RAB3GAP2: variants seen among roughly 807,000 people sequenced by gnomAD.
RAB3GAP2 encodes the protein rab3 GTPase-activating protein non-catalytic subunit.
Under a neutral mutation model 185.3 loss-of-function variants are expected in RAB3GAP2, and 87 were observed. The ratio of observed to expected loss-of-function variants is 0.47; its 90% confidence interval spans 0.39 to 0.56. The LOEUF is 0.56. Among genes scored for constraint, RAB3GAP2 ranks in the 20% least tolerant of loss-of-function variants. The probability of loss-of-function intolerance (pLI) is 0.00; values close to 1 mark genes in which losing one functional copy is unlikely to be tolerated. For missense variants in RAB3GAP2, 1,492 were observed against 1,638.2 expected, an observed-to-expected ratio of 0.91 and a Z score of 1.54; for synonymous variants, 554 against 576.1, an observed-to-expected ratio of 0.96 and a Z score of 0.55.
Position 220,191,297 on chromosome 1 carries a change from G to A in RAB3GAP2, c.1271-13C>T. On this transcript the variant is annotated splice_polypyrimidine_tract_variant and intron_variant, in intron 13 of 34. Transcript: ENST00000358951. ...GCGTCGCGGTACCCTTAGAGACAGA[G>A]GTAAAGGGAAGTTAATTACTTAATC... 1 of 1,415,232 alleles carries A rather than the reference G, an allele frequency of 7.1e-7. No individual in the cohort carries two copies. The highest frequency in any genetic ancestry group is 1.1e-5 in the South Asian group (1 of 87,908). 87.7% of individuals were successfully genotyped at this position (1,415,232 alleles called of 1,614,324 possible). A position where few individuals can be genotyped will look rare whatever the true frequency, so the allele number is the denominator to read the frequency against.
chr1:220,182,179 T>TAAA, intron 21 of RAB3GAP2, 78 bp downstream of exon 21: 1 of 1,176,016 alleles, frequency 8.5e-7, no homozygotes, highest in African/African-American at 1.6e-5. Context: ...AGACAATAGT[T>TAAA]AAAAAAAAAA....
chr1:220,237,603 G>A (rs1659616849), intron 1 of RAB3GAP2, among the ~76,000 whole-genome samples: 1 of 152,156 alleles, frequency 6.6e-6, no homozygotes, highest in South Asian at 2.1e-4. Flanking sequence ...TTCTGTTTCA[G>A]GAGGTCTGCA....
intron 28 of RAB3GAP2, among the ~76,000 whole-genome samples, chr1:220,161,895 G>C (rs539911580): frequency 2.0e-5 from 3 of 152,268 alleles, no homozygotes; most frequent in Non-Finnish European, 2.9e-5. Context: ...TCAAAGATTG[G>C]TAAGTGTAAA....
At chr1:220,214,493 T>A (rs1333600867) in intron 2 of RAB3GAP2, among the ~76,000 whole-genome samples, 1 of 148,244 alleles carries the variant, frequency 6.7e-6, no homozygotes, top group Non-Finnish European at 1.5e-5. Flanking sequence ...ACCACTACAA[T>A]CCAGCTTGGG....
At chr1:220,204,723 CTA>C (rs1356254349) in intron 8 of RAB3GAP2, among the ~76,000 whole-genome samples, 4 of 148,410 alleles carry the variant, frequency 2.7e-5, no homozygotes, top group Admixed American at 6.7e-5. Flanking sequence ...TCTCCTAATG[CTA>C]TCCCTCCCCC....
chr1:220,185,536 T>G, intron 18 of RAB3GAP2, 115 bp downstream of exon 18: 4 of 721,562 alleles, frequency 5.5e-6, no homozygotes, highest in Non-Finnish European at 7.2e-6. Flanking sequence ...CTTATATCTA[T>G]ATTACTTCCA....
At chr1:220,243,592 C>A (rs1473036228) in intron 1 of RAB3GAP2, among the ~76,000 whole-genome samples, 2 of 152,244 alleles carry the variant, frequency 1.3e-5, no homozygotes, top group East Asian at 3.9e-4. Flanking sequence ...TCTACTTTTT[C>A]AGTCAACTGT....
At chr1:220,213,119 A>C (rs1423546855) in intron 3 of RAB3GAP2, 151 bp from the exon 4 acceptor site, 2 of 586,292 alleles carry the variant, frequency 3.4e-6, no homozygotes, top group African/African-American at 1.9e-5. Flanking sequence ...GGTAAATATA[A>C]GATAAACATG....
At chr1:220,154,618 C>A (rs1312336193) in intron 31 of RAB3GAP2, among the ~76,000 whole-genome samples, 1 of 151,910 alleles carries the variant, frequency 6.6e-6, no homozygotes, top group Non-Finnish European at 1.5e-5. Context: ...GATTACTGAC[C>A]CACAACAACT....
chr1:220,221,070 C>T (rs960115188), intron 2 of RAB3GAP2, among the ~76,000 whole-genome samples: 2 of 152,162 alleles, frequency 1.3e-5, no homozygotes, highest in Admixed American at 1.3e-4. Context: ...TATACCACAA[C>T]CGCTTCTCAC....
intron 24 of RAB3GAP2, 52 bp downstream of exon 24, chr1:220,170,840 C>A (rs1014705032): frequency 2.1e-6 from 3 of 1,439,044 alleles, no homozygotes; most frequent in South Asian, 2.3e-5. Context: ...TTAAAAGAAA[C>A]CCTCGTAACA....
chr1:220,182,065 G>A (rs1191858600), intron 21 of RAB3GAP2, among the ~76,000 whole-genome samples, 192 bp downstream of exon 21: 1 of 142,006 alleles, frequency 7.0e-6, no homozygotes, highest in Non-Finnish European at 1.5e-5. Context: ...AAAAATTACA[G>A]GGTATAAGAA....
chr1:220,245,304 G>T (rs1448788771), intron 1 of RAB3GAP2, among the ~76,000 whole-genome samples: 4 of 152,312 alleles, frequency 2.6e-5, no homozygotes, highest in South Asian at 2.1e-4. Context: ...CAGGCCAGTG[G>T]GTGCGCGCAC....
At position 220,149,862 on chromosome 1, in the gene RAB3GAP2, C is replaced by CTT. The variant is rs1352189074; in HGVS notation, c.*1387_*1388dup. The CTT allele has an allele frequency of 6.6e-6, 1 of 152,074 alleles. No homozygotes were observed. The highest frequency in any genetic ancestry group is 1.5e-5 in the Non-Finnish European group (1 of 67,984). 9.4% of individuals were successfully genotyped at this position (152,074 alleles called of 1,614,324 possible). On this transcript the variant is annotated 3_prime_UTR_variant, in exon 35 of 35. Transcript: ENST00000358951. ...TAGCTCAAAAAACAGATTTGTTTTT[C>CTT]TTTTTATATCCCTGAAGGACATACT...
chr1:220,168,615 G>T (rs773969353), intron 24 of RAB3GAP2, among the ~76,000 whole-genome samples: 6 of 151,352 alleles, frequency 4.0e-5, no homozygotes, highest in Admixed American at 6.6e-5. Flanking sequence ...CAGGCTGGTC[G>T]CAAACTCTTG....
At chr1:220,242,473 T>A (rs1427474624) in intron 1 of RAB3GAP2, among the ~76,000 whole-genome samples, 3 of 150,756 alleles carry the variant, frequency 2.0e-5, no homozygotes, top group Non-Finnish European at 4.4e-5. Context: ...AAAAAAAAAC[T>A]GGAAACTAGG....
At chr1:220,196,170 A>G in intron 10 of RAB3GAP2, 80 bp downstream of exon 10, 1 of 1,486,514 alleles carries the variant, frequency 6.7e-7, no homozygotes, top group Non-Finnish European at 9.4e-7. Flanking sequence ...TCTAAGGCTA[A>G]GCAAGTTACC....
chr1:220,166,852 T>C (rs1188123938), intron 26 of RAB3GAP2, among the ~76,000 whole-genome samples: 2 of 152,202 alleles, frequency 1.3e-5, no homozygotes, highest in Non-Finnish European at 2.9e-5. Flanking sequence ...CACTCTTGAC[T>C]TTTATCACGA....
At chr1:220,259,981 T>C (rs761579107) in intron 1 of RAB3GAP2, among the ~76,000 whole-genome samples, 14 of 152,010 alleles carry the variant, frequency 9.2e-5, no homozygotes, top group African/African-American at 3.1e-4. Flanking sequence ...AAAAACATAT[T>C]GAAAAAAAGC....
Sources: gnomAD v4.1 joint callset for allele counts (sites outside exome capture counted in the v4.1 genomes callset) on GRCh38, gnomAD v4.1.1 for gene constraint, MANE v1.5 for transcripts, NCBI Gene and HGNC (gene_info 2026-07-23, HGNC 2026-07-21) for gene names.